Variants in RHOBTB1 observed in about 807,000 individuals in gnomAD.
RHOBTB1 encodes Rho related BTB domain containing 1, also known as rho-related BTB domain-containing protein 1.
A neutral mutation model predicts 71.6 loss-of-function variants in RHOBTB1; 40 were observed. The observed-to-expected ratio is 0.56, with a 90% CI of 0.43 to 0.73. The LOEUF is 0.73. Ranked by LOEUF, RHOBTB1 falls within the 30% of genes least tolerant of loss-of-function variation. The pLI is 0.00. For missense variants in RHOBTB1, 797 were observed against 894.0 expected, an observed-to-expected ratio of 0.89 and a Z score of 1.38; for synonymous variants, 319 against 334.9, an observed-to-expected ratio of 0.95 and a Z score of 0.52.
intron 9 of RHOBTB1, among the ~76,000 whole-genome samples, chr10:60,873,696 A>C (rs760929366): frequency 3.9e-5 from 6 of 152,214 alleles, no homozygotes; most frequent in African/African-American, 1.2e-4. Flanking sequence ...AAAGACCCCA[A>C]ATTCCAAGTG....
chr10:60,886,126 T>A lies in RHOBTB1; in HGVS notation c.1561A>T (p.Ser521Cys). The part of the protein sequence containing the change: ...AAMFGGSFVE[S>C]ANSEVYLPNI... Reference sequence around the variant, plus strand: ...AAGGCACGTACCTCACTGTTGGCACTTTCCACAAATGACCCCCCGAACATG... The same window carrying A: ...AAGGCACGTACCTCACTGTTGGCACATTCCACAAATGACCCCCCGAACATG... Residue 521 changes from serine to cysteine, a missense_variant, in exon 7 of 11, where the codon AGT (serine) becomes TGT (cysteine). Physicochemically the swap from Ser to Cys is moderately radical, Grantham distance 112. Around this residue, in one of 2 missense-constraint regions of RHOBTB1, gnomAD observed 658 missense variants for 681.5 expected, o/e 0.97. Transcript: ENST00000337910. The A allele has an allele frequency of 1.2e-6, 2 of 1,613,946 alleles. No individual in the cohort carries two copies. Among genetic ancestry groups the A allele is most frequent in the Non-Finnish European group, 8.5e-7 (1 of 1,179,814 alleles).
intron 9 of RHOBTB1, among the ~76,000 whole-genome samples, chr10:60,874,050 C>T (rs943594650): frequency 6.6e-6 from 1 of 152,224 alleles, no homozygotes; most frequent in Non-Finnish European, 1.5e-5. Flanking sequence ...CTGGATGCCA[C>T]CTCCTCTCCC....
intron 6 of RHOBTB1, among the ~76,000 whole-genome samples, chr10:60,887,684 T>C (rs568358296): frequency 5.9e-4 from 90 of 152,318 alleles, no homozygotes; most frequent in African/African-American, 1.8e-3. Flanking sequence ...TGTAGGAAGA[T>C]GGAGGGCCAC....
chr10:60,908,603 G>A (rs894952500), intron 4 of RHOBTB1, among the ~76,000 whole-genome samples: 4 of 152,130 alleles, frequency 2.6e-5, no homozygotes, highest in Non-Finnish European at 5.9e-5. Context: ...TCTCAGAGCC[G>A]GGAAATGTAC....
chr10:60,939,202 C>T (rs1565072355), intron 2 of RHOBTB1, among the ~76,000 whole-genome samples: 1 of 152,046 alleles, frequency 6.6e-6, no homozygotes, highest in African/African-American at 2.4e-5. Flanking sequence ...TATTTGATGA[C>T]AGAGCTCAAG....
At chr10:60,967,361 T>C (rs574918273) in intron 2 of RHOBTB1, among the ~76,000 whole-genome samples, 8 of 150,840 alleles carry the variant, frequency 5.3e-5, no homozygotes, top group African/African-American at 2.0e-4. Context: ...GGCCCTGTCT[T>C]GGCTCACCGC....
intron 2 of RHOBTB1, among the ~76,000 whole-genome samples, chr10:60,975,524 C>A (rs2086286908): frequency 6.6e-6 from 1 of 152,064 alleles, no homozygotes; most frequent in Admixed American, 6.6e-5. Flanking sequence ...AGCTAAAATG[C>A]TACTTATTCG....
intron 5 of RHOBTB1, among the ~76,000 whole-genome samples, chr10:60,889,809 C>T (rs1413938325): frequency 6.6e-6 from 1 of 152,128 alleles, no homozygotes; most frequent in Non-Finnish European, 1.5e-5. Flanking sequence ...TCTTGAAGGA[C>T]TATTGAAATG....
intron 2 of RHOBTB1, among the ~76,000 whole-genome samples, chr10:60,968,059 C>G (rs895679256): frequency 2.6e-5 from 4 of 152,122 alleles, no homozygotes; most frequent in Non-Finnish European, 5.9e-5. Context: ...CTCCCCACAA[C>G]CCCACTTCTC....
intron 5 of RHOBTB1, among the ~76,000 whole-genome samples, chr10:60,890,821 C>T (rs1251299069): frequency 5.9e-5 from 9 of 152,316 alleles, no homozygotes; most frequent in South Asian, 4.1e-4. Flanking sequence ...CTCAAAAGTT[C>T]GCTCCTGAGA....
intron 2 of RHOBTB1, among the ~76,000 whole-genome samples, chr10:60,940,897 C>T (rs2084868367): frequency 6.6e-6 from 1 of 152,180 alleles, no homozygotes; most frequent in Non-Finnish European, 1.5e-5. Context: ...GATTTATTCT[C>T]TATTGTTGCA....
intron 2 of RHOBTB1, among the ~76,000 whole-genome samples, chr10:60,932,489 T>C (rs1005501383): frequency 7.3e-6 from 1 of 136,506 alleles, no homozygotes; most frequent in African/African-American, 2.7e-5. Context: ...TCTCTATGTG[T>C]TATACTTCAA....
At chr10:60,989,471 GAATA>G (rs2086782948) in intron 1 of RHOBTB1, among the ~76,000 whole-genome samples, 1 of 152,202 alleles carries the variant, frequency 6.6e-6, no homozygotes, top group Admixed American at 6.5e-5. Context: ...CTTGTTGAAT[GAATA>G]AATGTTTACT....
At position 60,972,533 on chromosome 10, in the gene RHOBTB1, C is replaced by T. The variant is rs146390849; in HGVS notation, c.-62+13312G>A. ...GGGAACATCACACACTGGGGCCTGT[C>T]GGGGCATGGGGGGCTAGAAGAGGGA... On this transcript the variant is annotated intron_variant, in intron 2 of 11. Coordinates refer to the RHOBTB1 transcript ENST00000357917. 5.5e-4 allele frequency among the ~76,000 whole-genome samples: 84 copies of T among 151,850 alleles called. 1 individual carries two copies. The East Asian group carries it at 0.013, about 24-fold the overall frequency.
chr10:60,999,352 G>A (rs989652457), intron 1 of RHOBTB1, among the ~76,000 whole-genome samples: 1 of 152,166 alleles, frequency 6.6e-6, no homozygotes, highest in African/African-American at 2.4e-5. Context: ...ATCTAGAGTT[G>A]TCTACCTAAA....
At position 60,869,592 on chromosome 10, in the gene RHOBTB1, C is replaced by A. The variant is rs2080686160; in HGVS notation, c.*1890G>T. On this transcript the variant is annotated 3_prime_UTR_variant, in exon 11 of 11. Coordinates refer to ENST00000337910, the MANE Select transcript of RHOBTB1 (RefSeq NM_014836.5). ...CTAGTGGATATTATTGCTTATACCC[C>A]AAGTTCATTTATACATCCATTATAT... 6.6e-6 allele frequency: 1 copy of A among 152,602 alleles called. No homozygotes were observed. The highest frequency in any genetic ancestry group is 2.4e-5 in the African/African-American group (1 of 41,448). The allele number at this position is 152,602 out of a possible 1,614,324, so 9.5% of individuals were successfully genotyped here. A position where few individuals can be genotyped will look rare whatever the true frequency, so the allele number is the denominator to read the frequency against.
intron 2 of RHOBTB1, among the ~76,000 whole-genome samples, chr10:60,915,789 C>T (rs912186680): frequency 2.0e-5 from 3 of 152,264 alleles, no homozygotes; most frequent in Non-Finnish European, 4.4e-5. Context: ...CTGTCATCTC[C>T]TGGACTTCAA....
chr10:60,989,382 A>G (rs1226588210), intron 1 of RHOBTB1, among the ~76,000 whole-genome samples: 1 of 152,192 alleles, frequency 6.6e-6, no homozygotes, highest in Non-Finnish European at 1.5e-5. Context: ...TTTATGGTAG[A>G]TTTTCCATGA....
intron 2 of RHOBTB1, among the ~76,000 whole-genome samples, chr10:60,953,040 T>C (rs2085467844): frequency 6.6e-6 from 1 of 152,158 alleles, no homozygotes; most frequent in Non-Finnish European, 1.5e-5. Flanking sequence ...ACAAGCAGGA[T>C]ACTACAGTGA....
Sources: gnomAD v4.1 joint callset for allele counts (sites outside exome capture counted in the v4.1 genomes callset) on GRCh38, gnomAD v4.1.1 for gene constraint, gnomAD v4.1.1 regional missense constraint, MANE v1.5 for transcripts, NCBI Gene and HGNC (gene_info 2026-07-23, HGNC 2026-07-21) for gene names.